The following RGSL1 variants were observed in gnomAD, a reference collection of about 807,000 sequenced individuals.
RGSL1 encodes the protein regulator of G protein signaling like 1, also known as regulator of G protein signaling protein-like.
RGSL1 carries 97 observed loss-of-function variants against 124.7 expected under a neutral mutation model. The observed-to-expected ratio is 0.78, with a 90% CI of 0.66 to 0.92. The LOEUF is 0.92. Among genes scored for constraint, RGSL1 ranks in the 40% least tolerant of loss-of-function variants. The pLI, the probability that RGSL1 is intolerant of heterozygous loss-of-function variation, is 0.00. For missense variants in RGSL1, 1,233 were observed against 1,288.4 expected, an observed-to-expected ratio of 0.96 and a Z score of 0.66; for synonymous variants, 424 against 438.1, an observed-to-expected ratio of 0.97 and a Z score of 0.40.
chr1:182,524,830 A>G (rs570851), intron 10 of RGSL1, among the ~76,000 whole-genome samples: 132,691 of 152,208 alleles, frequency 0.87, 58,187 homozygotes, highest in African/African-American at 0.9. Flanking sequence ...ATACTAGTTG[A>G]GCAAGCAGTA....
intron 15 of RGSL1, among the ~76,000 whole-genome samples, chr1:182,545,650 G>A (rs1028436557): frequency 9.2e-5 from 14 of 152,136 alleles, no homozygotes; most frequent in African/African-American, 3.1e-4. Context: ...CTCCTTCACA[G>A]TTGAAGGATA....
At chr1:182,509,724 C>T (rs536601628) in intron 9 of RGSL1, among the ~76,000 whole-genome samples, 117 of 141,968 alleles carry the variant, frequency 8.2e-4, no homozygotes, top group African/African-American at 2.9e-3. Flanking sequence ...GGGCTGACCC[C>T]CCCACCTCCC....
intron 6 of RGSL1, among the ~76,000 whole-genome samples, chr1:182,478,396 A>C (rs1238617023): frequency 6.6e-6 from 1 of 152,228 alleles, no homozygotes; most frequent in African/African-American, 2.4e-5. Context: ...GGAGCTGACA[A>C]ATATAATGAC....
intron 9 of RGSL1, among the ~76,000 whole-genome samples, chr1:182,518,183 G>T (rs905389299): frequency 6.6e-6 from 1 of 152,086 alleles, no homozygotes; most frequent in African/African-American, 2.4e-5. Flanking sequence ...GGGACTACAG[G>T]CAAGCACCAC....
At chr1:182,465,658 A>C (rs1653254092) in intron 4 of RGSL1, among the ~76,000 whole-genome samples, 1 of 152,166 alleles carries the variant, frequency 6.6e-6, no homozygotes, top group African/African-American at 2.4e-5. Flanking sequence ...AAAGAGATTA[A>C]AACAGTAATC....
intron 11 of RGSL1, 63 bp from the exon 12 acceptor site, chr1:182,530,179 ACC>A: frequency 1.5e-6 from 2 of 1,291,880 alleles, no homozygotes; most frequent in Admixed American, 2.6e-5. Context: ...AAAACAAAAA[ACC>A]ACCAGCTATC....
At chr1:182,549,366 C>A (rs966562126) in intron 17 of RGSL1, 1 of 152,622 alleles carries the variant, frequency 6.6e-6, no homozygotes, top group African/African-American at 2.4e-5. Context: ...TGGCAACTAA[C>A]AAAACTAAAA....
At chr1:182,557,175 G>T (rs977640581) in intron 21 of RGSL1, among the ~76,000 whole-genome samples, 2 of 152,174 alleles carry the variant, frequency 1.3e-5, no homozygotes, top group Non-Finnish European at 2.9e-5. Flanking sequence ...AGAGCCCCTT[G>T]GGCCCCTGGG....
Position 182,533,794 on chromosome 1 carries a change from C to T in RGSL1, c.2494+1003C>T, listed in dbSNP as rs112847265. On this transcript the variant is annotated intron_variant, in intron 14 of 21. Transcript: ENST00000294854. ...ATATAATTGTGATGAGTGATCCCGGCGATAATTGCAGGGAGATCCTATTAG... is the reference window on the plus strand; with the variant it reads ...ATATAATTGTGATGAGTGATCCCGGTGATAATTGCAGGGAGATCCTATTAG... Among the ~76,000 whole-genome samples, 1,128 of 152,174 alleles carry T rather than the reference C, an allele frequency of 7.4e-3. 16 individuals carry two copies. Among genetic ancestry groups the T allele is most frequent in the Middle Eastern group, 0.027 (8 of 292 alleles).
chr1:182,523,208 C>CTTT (rs560766193), intron 10 of RGSL1, among the ~76,000 whole-genome samples: 2 of 147,148 alleles, frequency 1.4e-5, no homozygotes, highest in Non-Finnish European at 1.5e-5. Flanking sequence ...GTTTTTTTTT[C>CTTT]TTTTTTTTTT....
intron 9 of RGSL1, among the ~76,000 whole-genome samples, chr1:182,518,662 T>C (rs1451567934): frequency 1.3e-5 from 2 of 152,186 alleles, no homozygotes; most frequent in Non-Finnish European, 1.5e-5. Context: ...ACTTTTTGCA[T>C]TGTAGAAACA....
At chr1:182,525,055 G>A (rs1481462586) in intron 10 of RGSL1, among the ~76,000 whole-genome samples, 2 of 151,878 alleles carry the variant, frequency 1.3e-5, no homozygotes, top group Non-Finnish European at 2.9e-5. Flanking sequence ...CACACTTTAG[G>A]GGAGATATAC....
intron 9 of RGSL1, among the ~76,000 whole-genome samples, chr1:182,521,351 A>C (rs1304996392): frequency 2.0e-5 from 3 of 152,216 alleles, no homozygotes; most frequent in Non-Finnish European, 4.4e-5. Flanking sequence ...GATTATAGGC[A>C]TGAGCCACTG....
intron 14 of RGSL1, among the ~76,000 whole-genome samples, chr1:182,536,804 C>G (rs1269004243): frequency 6.6e-6 from 1 of 152,128 alleles, no homozygotes; most frequent in Non-Finnish European, 1.5e-5. Context: ...GAGACTTATT[C>G]ACTATCATGA....
At chr1:182,463,685 A>T (rs542589495) in intron 4 of RGSL1, among the ~76,000 whole-genome samples, 2 of 152,358 alleles carry the variant, frequency 1.3e-5, no homozygotes, top group East Asian at 3.9e-4. Context: ...AAACATCTAC[A>T]CACCTAATGA....
intron 14 of RGSL1, among the ~76,000 whole-genome samples, chr1:182,536,157 G>C (rs1659522674): frequency 6.6e-6 from 1 of 152,110 alleles, no homozygotes; most frequent in South Asian, 2.1e-4. Flanking sequence ...TTGCTGGGTA[G>C]TATTCCATTA....
intron 4 of RGSL1, among the ~76,000 whole-genome samples, chr1:182,461,782 AGGACAGTAGAAAC>A (rs1156994148): frequency 1.6e-5 from 1 of 61,350 alleles, no homozygotes; most frequent in African/African-American, 4.9e-5. Flanking sequence ...ACCAGAAGAT[AGGACAGTAGAAAC>A]TATTAAATCT....
At chr1:182,479,893 T>C (rs2102060184) in intron 6 of RGSL1, among the ~76,000 whole-genome samples, 1 of 152,334 alleles carries the variant, frequency 6.6e-6, no homozygotes, top group Non-Finnish European at 1.5e-5. Context: ...CAATGGAAGT[T>C]ATTATACAAT....
chr1:182,474,143 T>C lies in RGSL1; in HGVS notation c.1032T>C (p.Thr344=). 6.4e-7 allele frequency: 1 copy of C among 1,552,078 alleles called. No homozygotes were observed. Among genetic ancestry groups the C allele is most frequent in the Non-Finnish European group, 8.7e-7 (1 of 1,147,060 alleles). ...FETKVSTHLR[T]VIPIVNHSSK... ...CAAAGGTCTCTACCCACCTGAGGAC[T>C]GTCATCCCCATTGTCAATCACTCCT... Residue 344 remains threonine (T), a synonymous_variant, in exon 6 of 22, where the codon ACT becomes ACC. Transcript: ENST00000294854.
Sources: allele counts gnomAD v4.1 joint callset (sites outside exome capture counted in the v4.1 genomes callset), GRCh38; gene constraint gnomAD v4.1.1; transcripts MANE v1.5; gene names NCBI Gene and HGNC (gene_info 2026-07-23, HGNC 2026-07-21).